HSD17B12: variants seen among roughly 807,000 people sequenced by gnomAD.
HSD17B12 encodes hydroxysteroid 17-beta dehydrogenase 12, also known as very-long-chain 3-oxoacyl-CoA reductase.
In HSD17B12, 32 loss-of-function variants were observed where a neutral mutation model predicts 39.3. That is an observed-to-expected ratio of 0.81 (90% CI 0.61 to 1.09). The LOEUF (loss-of-function observed/expected upper bound fraction) is 1.09, where lower values mean the gene tolerates loss of function less well. Ranked by LOEUF, HSD17B12 falls within the 50% of genes least tolerant of loss-of-function variation. HSD17B12 has a pLI of 0.00. For synonymous variants in HSD17B12, 150 were observed against 146.7 expected (o/e 1.02, Z -0.16); for missense variants, 342 against 382.9 (o/e 0.89, Z 0.89).
the HSD17B12 span, among the ~76,000 whole-genome samples, chr11:43,572,699 C>G: frequency 6.6e-6 from 1 of 152,150 alleles, no homozygotes; most frequent in South Asian, 2.1e-4. Context: ...AGAGAATTGC[C>G]TTAAGGATTA....
the HSD17B12 span, among the ~76,000 whole-genome samples, chr11:43,670,884 T>A: frequency 2.6e-5 from 4 of 152,002 alleles, no homozygotes; most frequent in Non-Finnish European, 4.4e-5. Flanking sequence ...GACTCTGTCT[T>A]TATACAAATT....
At chr11:43,658,291 G>A in the HSD17B12 span, among the ~76,000 whole-genome samples, 82 of 152,128 alleles carry the variant, frequency 5.4e-4, no homozygotes, top group African/African-American at 1.7e-3. Context: ...TTATGCATTC[G>A]TCTAGTTTTT....
intron 1 of HSD17B12, among the ~76,000 whole-genome samples, chr11:43,692,804 C>G (rs1335912987): frequency 1.3e-5 from 2 of 152,006 alleles, no homozygotes; most frequent in Admixed American, 6.6e-5. Context: ...GACTCTGGAC[C>G]AAATTCCCTG....
chr11:43,623,124 A>G, the HSD17B12 span, among the ~76,000 whole-genome samples: 1 of 152,190 alleles, frequency 6.6e-6, no homozygotes, highest in South Asian at 2.1e-4. Flanking sequence ...ATTGGTTAAC[A>G]AAATTCAAAT....
intron 3 of HSD17B12, among the ~76,000 whole-genome samples, chr11:43,794,120 T>G (rs1291410158): frequency 1.3e-5 from 2 of 152,226 alleles, no homozygotes; most frequent in African/African-American, 2.4e-5. Context: ...CATCTGATAA[T>G]TATTTTCATC....
the HSD17B12 span, chr11:43,673,335 T>C: frequency 2.0e-5 from 3 of 152,138 alleles, no homozygotes; most frequent in African/African-American, 7.2e-5. Flanking sequence ...ATTTTTTTCA[T>C]ATTAAATACT....
At chr11:43,601,663 A>G in the HSD17B12 span, among the ~76,000 whole-genome samples, 1 of 151,970 alleles carries the variant, frequency 6.6e-6, no homozygotes, top group Non-Finnish European at 1.5e-5. Flanking sequence ...ATGGACAGAC[A>G]CCCTCTGGCT....
At chr11:43,734,404 TA>T in intron 1 of HSD17B12, 1 of 793,226 alleles carries the variant, frequency 1.3e-6, no homozygotes, top group Non-Finnish European at 2.3e-6. Context: ...AGGGTGACTC[TA>T]AGGCAGCCGA....
At chr11:43,788,709 A>AAC (rs1299533486) in intron 3 of HSD17B12, among the ~76,000 whole-genome samples, 14 of 133,098 alleles carry the variant, frequency 1.1e-4, no homozygotes, top group African/African-American at 4.0e-4. Flanking sequence ...AAAAAAAAAA[A>AAC]GAAGTGTGAT....
chr11:43,806,352 G>A (rs893585066), intron 4 of HSD17B12: 10 of 152,146 alleles, frequency 6.6e-5, no homozygotes, highest in African/African-American at 2.2e-4. Flanking sequence ...TATCAAAAAC[G>A]AAGAAACTCA....
At chr11:43,797,152 C>T (rs921856149) in intron 3 of HSD17B12, among the ~76,000 whole-genome samples, 4 of 152,318 alleles carry the variant, frequency 2.6e-5, no homozygotes, top group Middle Eastern at 3.4e-3. Context: ...TGAACCAACT[C>T]TTTAGTTTTA....
chr11:43,753,588 A>G (rs1408697859), intron 2 of HSD17B12, among the ~76,000 whole-genome samples: 1 of 149,072 alleles, frequency 6.7e-6, no homozygotes, highest in Admixed American at 6.7e-5. Context: ...TTTTTTTTTA[A>G]TTTTTTGTAG....
chr11:43,584,753 G>C, the HSD17B12 span: 1 of 152,320 alleles, frequency 6.6e-6, no homozygotes, highest in Admixed American at 6.5e-5. Flanking sequence ...CCCACTTGAT[G>C]ATGAGATACA....
At chr11:43,625,003 A>G in the HSD17B12 span, among the ~76,000 whole-genome samples, 1 of 151,770 alleles carries the variant, frequency 6.6e-6, no homozygotes, top group Non-Finnish European at 1.5e-5. Flanking sequence ...GTATACATTC[A>G]CCAGAATCAC....
chr11:43,580,484 C>T, the HSD17B12 span, among the ~76,000 whole-genome samples: 2 of 152,022 alleles, frequency 1.3e-5, no homozygotes, highest in Non-Finnish European at 2.9e-5. Context: ...AGGAGCTTCA[C>T]CTAGTTGAGC....
At chr11:43,652,922 T>A in the HSD17B12 span, among the ~76,000 whole-genome samples, 1 of 152,166 alleles carries the variant, frequency 6.6e-6, no homozygotes, top group East Asian at 1.9e-4. Context: ...TCATTACTAT[T>A]ACTGAATGAG....
At position 43,745,168 on chromosome 11, in the gene HSD17B12, A is replaced by C. The variant is rs548424812; in HGVS notation, c.161-5743A>C. ...AGACAATATACATGAGGCAGATTTC[A>C]GAATCTCTAGACCTGGCATATTCTG... On this transcript the variant is annotated intron_variant, in intron 1 of 10. Coordinates refer to ENST00000278353, the MANE Select transcript of HSD17B12 (RefSeq NM_016142.3). Among the ~76,000 whole-genome samples, 4 of 152,392 alleles carry C rather than the reference A, an allele frequency of 2.6e-5. No homozygotes were observed. In the East Asian group the frequency reaches 7.7e-4, roughly 29 times the overall value.
At chr11:43,746,706 T>A (rs1950415784) in intron 1 of HSD17B12, among the ~76,000 whole-genome samples, 1 of 152,158 alleles carries the variant, frequency 6.6e-6, no homozygotes, top group Non-Finnish European at 1.5e-5. Flanking sequence ...TATCGAGCAC[T>A]ATATGTTATA....
intron 1 of HSD17B12, among the ~76,000 whole-genome samples, chr11:43,703,079 A>C (rs2134814152): frequency 6.6e-6 from 1 of 152,310 alleles, no homozygotes; most frequent in Non-Finnish European, 1.5e-5. Flanking sequence ...GTATCAAAGT[A>C]ATACTGGCCT....
Sources: gnomAD v4.1 joint callset for allele counts (sites outside exome capture counted in the v4.1 genomes callset) on GRCh38, gnomAD v4.1.1 for gene constraint, MANE v1.5 for transcripts, NCBI Gene and HGNC (gene_info 2026-07-23, HGNC 2026-07-21) for gene names.